Variants in PLCH2 observed in about 807,000 individuals in gnomAD.
The protein encoded by PLCH2 is 1-phosphatidylinositol 4,5-bisphosphate phosphodiesterase eta-2.
A neutral mutation model predicts 134.7 loss-of-function variants in PLCH2; 98 were observed. The observed-to-expected ratio is 0.73, with a 90% CI of 0.62 to 0.86. The LOEUF (loss-of-function observed/expected upper bound fraction) is 0.86, where lower values mean the gene tolerates loss of function less well. Ranked by LOEUF, PLCH2 falls within the 40% of genes least tolerant of loss-of-function variation. The pLI is 0.00. For missense variants in PLCH2, 1,994 were observed against 1,986.6 expected, an observed-to-expected ratio of 1.00 and a Z score of -0.07; for synonymous variants, 974 against 827.5, an observed-to-expected ratio of 1.18 and a Z score of -3.04.
At chr1:2,440,077 A>G (rs1639617996) in intron 2 of PLCH2, among the ~76,000 whole-genome samples, 1 of 152,068 alleles carries the variant, frequency 6.6e-6, no homozygotes, top group Admixed American at 6.5e-5. Context: ...AGGGAAGGGC[A>G]AACAGGGTAG....
At chr1:2,456,637 G>A (rs1334849367) in intron 2 of PLCH2, among the ~76,000 whole-genome samples, 4 of 152,300 alleles carry the variant, frequency 2.6e-5, no homozygotes, top group East Asian at 1.9e-4. Context: ...GGTGAGACGC[G>A]GCCTCCGTCG....
intron 14 of PLCH2, 22 bp from the exon 15 acceptor site, chr1:2,496,805 AT>A (rs1642917969): frequency 6.2e-7 from 1 of 1,610,450 alleles, no homozygotes; most frequent in South Asian, 1.1e-5. Context: ...TGGCAGTCTG[AT>A]GCCCGGTCAC....
intron 1 of PLCH2, among the ~76,000 whole-genome samples, chr1:2,468,147 C>T (rs1171219925): frequency 3.9e-5 from 6 of 152,310 alleles, no homozygotes; most frequent in African/African-American, 1.4e-4. Context: ...TGGCCCAACC[C>T]CACCCCAGCC....
At chr1:2,474,499 G>A (rs564611057), upstream of PLCH2, among the ~76,000 whole-genome samples, 1 of 152,274 alleles carries the variant, frequency 6.6e-6, no homozygotes, top group South Asian at 2.1e-4. Flanking sequence ...CCACGTTGTG[G>A]GGCTGGGGCC....
In PLCH2 at chr1:2,498,722, C is replaced by CA; in HGVS notation, c.2350-21dup. On this transcript the variant is annotated intron_variant, in intron 17 of 21. Transcript: ENST00000378486. This position sits in a 1 kb window ranked among gnomAD's most constrained non-coding sequence, Gnocchi z 5.4. The stretch of plus-strand genomic sequence containing the variant: ...CGGGCATCGCGATGGGCCCTGATGC[C>CA]ACCCCCACTCCTGTGTCCCAGATCA... 6.3e-7 allele frequency: 1 copy of CA among 1,594,348 alleles called. No individual in the cohort carries two copies. Among genetic ancestry groups the CA allele is most frequent in the Non-Finnish European group, 8.6e-7 (1 of 1,169,268 alleles).
upstream of PLCH2, among the ~76,000 whole-genome samples, chr1:2,423,116 A>G (rs2100462393): frequency 1.3e-5 from 2 of 152,308 alleles, no homozygotes; most frequent in East Asian, 3.9e-4. Flanking sequence ...TATTGGCAAC[A>G]GATCCTGCAA....
rs761164722 is a variant in PLCH2, at chr1:2,496,994, C to T, written c.2100C>T (p.Asn700=). The part of the protein sequence containing the change: ...SSNYNPQPFW[N]AGCQMVALNY... Reference sequence around the variant, plus strand: ...ACTACAACCCGCAGCCCTTCTGGAACGCCGGCTGCCAAATGGGTGGGTGCG... The same window carrying T: ...ACTACAACCCGCAGCCCTTCTGGAATGCCGGCTGCCAAATGGGTGGGTGCG... The change falls in exon 15 of 22, where the codon AAC becomes AAT. Residue 700 remains asparagine (N), a synonymous_variant. Coordinates refer to ENST00000378486, the MANE Select transcript of PLCH2 (RefSeq NM_014638.4). 40 of 1,612,894 alleles carry T rather than the reference C, an allele frequency of 2.5e-5. No homozygotes were observed. Among genetic ancestry groups the T allele is most frequent in the East Asian group, 8.9e-5 (4 of 44,892 alleles).
At chr1:2,459,632 G>T (rs148592062) in intron 2 of PLCH2, among the ~76,000 whole-genome samples, 226 of 5,758 alleles carry the variant, frequency 0.039, 17 homozygotes, top group South Asian at 0.16. Flanking sequence ...GGTCCTCCTT[G>T]CCTGTGGTCT....
Position 2,502,276 on chromosome 1 carries a change from G to A in PLCH2, c.2826G>A (p.Arg942=), listed in dbSNP as rs1373926144. The A allele has an allele frequency of 6.5e-7, 1 of 1,539,002 alleles. No individual in the cohort carries two copies. The highest frequency in any genetic ancestry group is 8.7e-7 in the Non-Finnish European group (1 of 1,143,680). The change falls in exon 21 of 22, where the codon AGG becomes AGA. Residue 942 remains arginine (R), a synonymous_variant. Coordinates refer to ENST00000378486, the MANE Select transcript of PLCH2 (RefSeq NM_014638.4). ...APTKSQKPGR[R]GFPELVLGTR... ...CCAAGAGCCAGAAGCCGGGCCGCAG[G>A]GGCTTCCCGGAGCTGGTCCTGGGTA...
intron 2 of PLCH2, among the ~76,000 whole-genome samples, chr1:2,445,378 G>T (rs933317622): frequency 1.3e-5 from 2 of 152,200 alleles, no homozygotes. Context: ...CCAGGGCAGT[G>T]AGAGAAGAGG....
In PLCH2 at chr1:2,439,853, C is replaced by T. The variant is rs1035428202; in HGVS notation, c.115+9224C>T. Among the ~76,000 whole-genome samples the T allele has an allele frequency of 6.6e-6, 1 of 152,052 alleles. No homozygotes were observed. Among genetic ancestry groups the T allele is most frequent in the Non-Finnish European group, 1.5e-5 (1 of 67,986 alleles). On this transcript the variant is annotated intron_variant, in intron 2 of 3. Transcript: ENST00000609981. The surrounding 1 kb of genome is among the most constrained non-coding windows in gnomAD (Gnocchi z 4.7). ...GCCTGGCTGGAGTGTTCGAGGGCAG[C>T]GGGCACGCGGCTCCCTGCCTGCAGG...
At chr1:2,500,054 C>G (rs1326904407) in intron 20 of PLCH2, 1 of 427,764 alleles carries the variant, frequency 2.3e-6, no homozygotes, top group Non-Finnish European at 4.3e-6. Flanking sequence ...GTGCTGCCAT[C>G]TGGCTTCTCA....
chr1:2,450,133 TG>T (rs1640122976), intron 2 of PLCH2, among the ~76,000 whole-genome samples: 1 of 152,170 alleles, frequency 6.6e-6, no homozygotes, highest in African/African-American at 2.4e-5. Flanking sequence ...ACAGGCACCC[TG>T]GGCAGAGGTG....
At chr1:2,503,009 G>A in intron 21 of PLCH2, 1 of 715,082 alleles carries the variant, frequency 1.4e-6, no homozygotes. Context: ...GTCGCCTCGT[G>A]TGCTCGTGCT....
intron 2 of PLCH2, among the ~76,000 whole-genome samples, chr1:2,454,321 GC>G (rs1399751896): frequency 6.6e-6 from 1 of 152,184 alleles, no homozygotes; most frequent in Non-Finnish European, 1.5e-5. Flanking sequence ...TCCCCAGGCA[GC>G]CCCGAGACAG....
Position 2,494,877 on chromosome 1 carries a change from G to C in PLCH2, c.1681G>C (p.Glu561Gln), listed in dbSNP as rs770189600. ...TCAGAGCAAGGCTGAAGAGGACGTG[G>C]AGTCTGGGGAGGATGCCGGGGCCAG... ...GRKSKAEEDV[E>Q]SGEDAGASRR... The change falls in exon 12 of 22, where the codon GAG becomes CAG. Residue 561 changes from glutamate to glutamine, a missense_variant. Coordinates refer to ENST00000378486, the MANE Select transcript of PLCH2 (RefSeq NM_014638.4). 1.3e-5 allele frequency: 21 copies of C among 1,606,536 alleles called. No homozygotes were observed. Among genetic ancestry groups the C allele is most frequent in the Middle Eastern group, 1.6e-4 (1 of 6,074 alleles).
At chr1:2,437,062 C>G (rs1298159976) in intron 2 of PLCH2, among the ~76,000 whole-genome samples, 2 of 152,232 alleles carry the variant, frequency 1.3e-5, no homozygotes, top group South Asian at 4.1e-4. Context: ...ACAGGGCCGC[C>G]AGGCCTCTCG....
chr1:2,497,527 G>A lies in PLCH2; in HGVS notation c.2142G>A (p.Gly714=). 1.3e-6 allele frequency: 2 copies of A among 1,558,246 alleles called. No homozygotes were observed. Among genetic ancestry groups the A allele is most frequent in the Non-Finnish European group, 8.7e-7 (1 of 1,151,486 alleles). Residue 714 remains glycine, a synonymous_variant, in exon 16 of 22, where the codon GGG becomes GGA. Transcript: ENST00000378486. The stretch of plus-strand genomic sequence containing the variant: ...TTGCCCTGAACTACCAGTCAGAGGG[G>A]CGGATGCTGCAGCTGAACCGAGCCA... ...QMVALNYQSE[G]RMLQLNRAKF... is the part of the protein sequence containing the mutation.
intron 21 of PLCH2, chr1:2,503,035 G>A (rs535720985): frequency 1.2e-4 from 82 of 712,848 alleles, no homozygotes; most frequent in South Asian, 1.0e-4. Context: ...CTCTGTATCC[G>A]TGGCACTGTC....
Sources: gnomAD v4.1 joint callset for allele counts (sites outside exome capture counted in the v4.1 genomes callset) on GRCh38, gnomAD v4.1.1 for gene constraint, Gnocchi (gnomAD v3.1) non-coding constraint, MANE v1.5 for transcripts, NCBI Gene and HGNC (gene_info 2026-07-23, HGNC 2026-07-21) for gene names.